Variants in SNUPN observed in about 807,000 individuals in gnomAD.
SNUPN encodes the protein snurportin-1.
In SNUPN, 31 loss-of-function variants were observed where a neutral mutation model predicts 39.2. The observed-to-expected ratio is 0.79, with a 90% CI of 0.59 to 1.07. SNUPN has a LOEUF of 1.07. Among genes scored for constraint, SNUPN ranks in the 50% least tolerant of loss-of-function variants. The pLI, the probability that SNUPN is intolerant of heterozygous loss-of-function variation, is 0.00. For synonymous variants in SNUPN, 132 were observed against 159.0 expected (o/e 0.83, Z 1.28); for missense variants, 382 against 434.2 (o/e 0.88, Z 1.07).
chr15:75,617,490 T>C lies in SNUPN; in HGVS notation c.221A>G (p.Glu74Gly). 6.2e-7 allele frequency: 1 copy of C among 1,614,004 alleles called. No individual in the cohort carries two copies. The highest frequency in any genetic ancestry group is 8.5e-7 in the Non-Finnish European group (1 of 1,179,978). Residue 74 changes from glutamate (E) to glycine (G), a missense_variant, in exon 3 of 9, where the codon GAG (glutamate) becomes GGG (glycine). Coordinates refer to ENST00000308588, the MANE Select transcript of SNUPN (RefSeq NM_005701.4). ...RLAEDDWTGM[E>G]SEEENKKDDE... The stretch of plus-strand genomic sequence containing the variant: ...ATCTTTCTTATTTTCTTCCTCACTC[T>C]CCATCCCTGTCCAGTCATCTTCAGC...
intron 2 of SNUPN, among the ~76,000 whole-genome samples, 161 bp downstream of exon 2, chr15:75,620,733 T>C (rs1893046894): frequency 6.6e-6 from 1 of 152,196 alleles, no homozygotes; most frequent in Non-Finnish European, 1.5e-5. Context: ...AAAAGAAACC[T>C]ACCTCTGCCA....
Position 75,601,236 on chromosome 15 carries a change from A to G in SNUPN, c.679-18T>C. 6.5e-7 allele frequency: 1 copy of G among 1,546,570 alleles called. No homozygotes were observed. The highest frequency in any genetic ancestry group is 8.9e-7 in the Non-Finnish European group (1 of 1,118,944). On this transcript the variant is annotated intron_variant, in intron 7 of 8. Coordinates refer to ENST00000308588, the MANE Select transcript of SNUPN (RefSeq NM_005701.4). ...AATTTAAACTGAAATAGAAATTAGAACAAGGAATTAGTACGTTATAAATGA... is the reference window on the plus strand; with the variant it reads ...AATTTAAACTGAAATAGAAATTAGAGCAAGGAATTAGTACGTTATAAATGA...
intron 8 of SNUPN, among the ~76,000 whole-genome samples, chr15:75,599,382 C>T (rs35276980): frequency 0.042 from 6,424 of 152,272 alleles, 187 homozygotes; most frequent in Middle Eastern, 0.16. Context: ...CCAGATTCCA[C>T]GGACTTTCCA....
intron 3 of SNUPN, among the ~76,000 whole-genome samples, chr15:75,616,178 C>T (rs576354730): frequency 1.1e-4 from 16 of 149,752 alleles, no homozygotes; most frequent in South Asian, 6.4e-4. Flanking sequence ...GGGGTCTCTC[C>T]GGGTGCAGTG....
At position 75,598,153 on chromosome 15, in the gene SNUPN, A is replaced by T. The variant is rs74565704; in HGVS notation, c.*205T>A. 9.0e-6 allele frequency: 5 copies of T among 554,318 alleles called. No individual in the cohort carries two copies. The East Asian group carries it at 1.4e-4, about 16-fold the overall frequency. The allele number at this position is 554,318 out of a possible 1,614,324, so 34.3% of individuals were successfully genotyped here. On this transcript the variant is annotated 3_prime_UTR_variant, in exon 9 of 9. Transcript: ENST00000308588. ...CACTTATCACAGTAGGAGCTGCTCAAATCAATCTGAATGCTACGCAATCTG... is the reference window on the plus strand; with the variant it reads ...CACTTATCACAGTAGGAGCTGCTCATATCAATCTGAATGCTACGCAATCTG...
At chr15:75,603,147 C>T (rs2075303408) in intron 7 of SNUPN, among the ~76,000 whole-genome samples, 2 of 151,010 alleles carry the variant, frequency 1.3e-5, no homozygotes, top group Admixed American at 6.6e-5. Flanking sequence ...CTCCTGGGTT[C>T]ACAGCATTCT....
intron 1 of SNUPN, among the ~76,000 whole-genome samples, chr15:75,623,742 G>C (rs1567565170): frequency 1.3e-5 from 2 of 152,082 alleles, no homozygotes; most frequent in Non-Finnish European, 2.9e-5. Flanking sequence ...ACTGCACCCG[G>C]CTTGAGGTGT....
At chr15:75,609,818 GA>G (rs1892732424) in intron 4 of SNUPN, 71 bp downstream of exon 4, 1 of 1,325,040 alleles carries the variant, frequency 7.5e-7, no homozygotes, top group Non-Finnish European at 1.1e-6. Context: ...GGCGTATGAG[GA>G]AAATGGAGCA....
At chr15:75,601,545 A>G (rs1369974247) in intron 7 of SNUPN, among the ~76,000 whole-genome samples, 7 of 152,200 alleles carry the variant, frequency 4.6e-5, no homozygotes, top group African/African-American at 1.7e-4. Context: ...ACTGCACTCC[A>G]GACTGGGTGA....
In SNUPN at chr15:75,598,221, G is replaced by C. The variant is rs186568497; in HGVS notation, c.*137C>G. On this transcript the variant is annotated 3_prime_UTR_variant, in exon 9 of 9. Transcript: ENST00000308588. The stretch of plus-strand genomic sequence containing the variant: ...GTTTGAGCCAGCATTTCAGATTATA[G>C]ATAAGCTGTTTCCAGCTGGACTGGG... 68 of 661,176 alleles carry C rather than the reference G, an allele frequency of 1.0e-4. No homozygotes were observed. The Admixed American group carries it at 2.0e-3, about 19-fold the overall frequency. The allele number at this position is 661,176 out of a possible 1,614,324, so 41.0% of individuals were successfully genotyped here.
At chr15:75,602,630 G>C (rs1259986001) in intron 7 of SNUPN, among the ~76,000 whole-genome samples, 2 of 151,766 alleles carry the variant, frequency 1.3e-5, no homozygotes, top group South Asian at 4.1e-4. Context: ...TTTTGAGACA[G>C]AGTTGCGCTC....
At chr15:75,600,923 T>G in intron 8 of SNUPN, 1 of 479,426 alleles carries the variant, frequency 2.1e-6, no homozygotes. Flanking sequence ...GAGCTGTCCA[T>G]TAAGGGCCCT....
intron 8 of SNUPN, among the ~76,000 whole-genome samples, chr15:75,599,836 ATTTTTT>A (rs60918008): frequency 1.4e-5 from 2 of 140,544 alleles, no homozygotes; most frequent in East Asian, 4.2e-4. Context: ...GACTGGGCAG[ATTTTTT>A]TTTTTTTTTT....
intron 1 of SNUPN, among the ~76,000 whole-genome samples, chr15:75,622,779 C>T (rs917102941): frequency 4.6e-5 from 7 of 152,292 alleles, no homozygotes; most frequent in African/African-American, 1.7e-4. Flanking sequence ...CTTTCCATTG[C>T]ACAAGTGAAG....
chr15:75,609,284 G>A (rs1437322797), intron 5 of SNUPN, among the ~76,000 whole-genome samples: 1 of 148,414 alleles, frequency 6.7e-6, no homozygotes, highest in Non-Finnish European at 1.5e-5. Context: ...CCGCTTCCTG[G>A]GTTCACGCCA....
chr15:75,611,259 CT>C (rs577001238), intron 3 of SNUPN, among the ~76,000 whole-genome samples: 49 of 144,742 alleles, frequency 3.4e-4, no homozygotes, highest in South Asian at 1.1e-3. Flanking sequence ...CACTCCCAAT[CT>C]TTTTTTTTTT....
At chr15:75,615,594 A>ATTTTTTTTTT (rs141302808) in intron 3 of SNUPN, among the ~76,000 whole-genome samples, 3 of 73,972 alleles carry the variant, frequency 4.1e-5, no homozygotes, top group African/African-American at 5.2e-5. Flanking sequence ...AAGGAATCTC[A>ATTTTTTTTTT]TTTTTTTTTT....
At chr15:75,599,283 C>A (rs1350998531) in intron 8 of SNUPN, among the ~76,000 whole-genome samples, 1 of 152,208 alleles carries the variant, frequency 6.6e-6, no homozygotes, top group Non-Finnish European at 1.5e-5. Flanking sequence ...AGAGATGGGG[C>A]TGCTCATACT....
chr15:75,609,544 C>T lies in SNUPN; in HGVS notation c.502+14G>A. On this transcript the variant is annotated intron_variant, in intron 5 of 8. Transcript: ENST00000308588. ...TCTTTTACTGATCAATAAGTAGACA[C>T]TCTATGTAGGTACCTTTTGCTGTTG... is the stretch of plus-strand genomic sequence containing the variant. 2 of 1,602,350 alleles carry T rather than the reference C, an allele frequency of 1.2e-6. No homozygotes were observed. The highest frequency in any genetic ancestry group is 8.6e-7 in the Non-Finnish European group (1 of 1,169,262).
Sources: allele counts gnomAD v4.1 joint callset (sites outside exome capture counted in the v4.1 genomes callset), GRCh38; gene constraint gnomAD v4.1.1; transcripts MANE v1.5; gene names NCBI Gene and HGNC (gene_info 2026-07-23, HGNC 2026-07-21).